CTIF: variants seen among roughly 807,000 people sequenced by gnomAD.
The protein encoded by CTIF is cap binding complex dependent translation initiation factor, also known as CBP80/20-dependent translation initiation factor.
A neutral mutation model predicts 66.0 loss-of-function variants in CTIF; 21 were observed. That is an observed-to-expected ratio of 0.32 (90% CI 0.23 to 0.46). The LOEUF is 0.46. Ranked by LOEUF, CTIF falls within the 20% of genes least tolerant of loss-of-function variation. The pLI, the probability that CTIF is intolerant of heterozygous loss-of-function variation, is 1.00. For synonymous variants in CTIF, 345 were observed against 326.4 expected (o/e 1.06, Z -0.62); for missense variants, 739 against 812.7 (o/e 0.91, Z 1.10).
intron 9 of CTIF, among the ~76,000 whole-genome samples, chr18:48,783,468 A>G (rs545771166): frequency 7.6e-4 from 115 of 152,240 alleles, no homozygotes; most frequent in African/African-American, 2.7e-3. Context: ...AGTCCAATAA[A>G]TCTTGGAGCT....
intron 3 of CTIF, among the ~76,000 whole-genome samples, chr18:48,646,345 G>A (rs1035376923): frequency 1.3e-5 from 2 of 152,008 alleles, no homozygotes; most frequent in South Asian, 2.1e-4. Context: ...TAGCCATGAC[G>A]GAGACGCAAA....
intron 10 of CTIF, among the ~76,000 whole-genome samples, chr18:48,841,685 G>A (rs199632381): frequency 1.2e-5 from 1 of 80,688 alleles, no homozygotes; most frequent in African/African-American, 5.4e-5. Context: ...GCAGGCAGGC[G>A]GGCAGGCGGG....
intron 2 of CTIF, among the ~76,000 whole-genome samples, chr18:48,629,029 G>A (rs2090652991): frequency 6.6e-6 from 1 of 152,222 alleles, no homozygotes; most frequent in Non-Finnish European, 1.5e-5. Flanking sequence ...AGGCTAGCAG[G>A]ATTCTGACTG....
intron 1 of CTIF, among the ~76,000 whole-genome samples, chr18:48,602,843 ATGGATGAATGGATGG>A (rs2090117029): frequency 2.1e-5 from 3 of 145,674 alleles, no homozygotes; most frequent in African/African-American, 8.1e-5. Context: ...GGATGGATGG[ATGGATGAATGGATGG>A]ATGGATGGAT....
intron 9 of CTIF, among the ~76,000 whole-genome samples, chr18:48,785,560 C>T (rs1724200301): frequency 6.6e-6 from 1 of 151,858 alleles, no homozygotes; most frequent in African/African-American, 2.4e-5. Context: ...GACCCAGCCA[C>T]AAGACCATCA....
chr18:48,618,990 A>G (rs1047442929), intron 1 of CTIF, among the ~76,000 whole-genome samples: 2 of 152,242 alleles, frequency 1.3e-5, no homozygotes, highest in African/African-American at 2.4e-5. Context: ...AATCCTGCTT[A>G]TAAGTTACGG....
chr18:48,592,127 T>G (rs2089898497), intron 1 of CTIF, among the ~76,000 whole-genome samples: 1 of 152,094 alleles, frequency 6.6e-6, no homozygotes, highest in Admixed American at 6.5e-5. Context: ...CTTGACCCAA[T>G]TAACCTAGAT....
At chr18:48,798,742 G>A (rs1160231762) in intron 9 of CTIF, among the ~76,000 whole-genome samples, 1 of 152,172 alleles carries the variant, frequency 6.6e-6, no homozygotes, top group African/African-American at 2.4e-5. Context: ...GGAGCATTGG[G>A]CACCATTGTC....
chr18:48,638,516 G>T (rs188497), intron 3 of CTIF, among the ~76,000 whole-genome samples: 1 of 151,508 alleles, frequency 6.6e-6, no homozygotes, highest in African/African-American at 2.4e-5. Flanking sequence ...CTCACCTCCC[G>T]CACCCAGCTG....
At chr18:48,762,843 C>T (rs1054701044) in intron 9 of CTIF, among the ~76,000 whole-genome samples, 2 of 152,198 alleles carry the variant, frequency 1.3e-5, no homozygotes, top group Admixed American at 6.5e-5. Context: ...AGGAAGTTGC[C>T]GCTAAGGCCA....
intron 2 of CTIF, among the ~76,000 whole-genome samples, chr18:48,624,134 A>G (rs1598756126): frequency 1.2e-5 from 1 of 83,654 alleles, no homozygotes; most frequent in South Asian, 4.3e-4. Context: ...GCTTGACACC[A>G]CGCCCCTCCC....
chr18:48,561,354 G>A (rs994522673), intron 1 of CTIF, among the ~76,000 whole-genome samples: 5 of 152,116 alleles, frequency 3.3e-5, no homozygotes, highest in Admixed American at 6.5e-5. Context: ...TTTAAAAGTG[G>A]CTAATAATTT....
chr18:48,657,700 G>A (rs1234945926), intron 3 of CTIF, among the ~76,000 whole-genome samples: 1 of 152,158 alleles, frequency 6.6e-6, no homozygotes, highest in Non-Finnish European at 1.5e-5. Flanking sequence ...GAGAGGAAGA[G>A]TCCTCAACTA....
At chr18:48,569,033 CAT>C (rs1378773920) in intron 1 of CTIF, among the ~76,000 whole-genome samples, 3 of 152,168 alleles carry the variant, frequency 2.0e-5, no homozygotes, top group East Asian at 1.9e-4. Context: ...GCAGTGCCCT[CAT>C]GTGATTTTTC....
intron 1 of CTIF, among the ~76,000 whole-genome samples, chr18:48,549,048 G>A (rs1298650256): frequency 2.0e-5 from 3 of 152,194 alleles, no homozygotes; most frequent in African/African-American, 7.2e-5. Flanking sequence ...GTTGTCCTGG[G>A]TAGGTGAGGG....
Position 48,860,468 on chromosome 18 carries a change from G to A in CTIF, c.*909G>A, listed in dbSNP as rs1403480303. ...TCTGCCCCGGCGGGGGGTCCCCGCT[G>A]GAATCCTGTGTTCCTCGCCACTGGC... is the stretch of plus-strand genomic sequence containing the variant. On this transcript the variant is annotated 3_prime_UTR_variant, in exon 12 of 12. Transcript: ENST00000256413. 6.4e-6 allele frequency: 1 copy of A among 157,030 alleles called. No individual in the cohort carries two copies. The highest frequency in any genetic ancestry group is 1.4e-5 in the Non-Finnish European group (1 of 70,960). 9.7% of individuals were successfully genotyped at this position (157,030 alleles called of 1,614,324 possible). A position where few individuals can be genotyped will look rare whatever the true frequency, so the allele number is the denominator to read the frequency against.
At position 48,761,323 on chromosome 18, in the gene CTIF, C is replaced by T; in HGVS notation, c.1072-67C>T. On this transcript the variant is annotated intron_variant, in intron 8 of 11. Transcript: ENST00000256413. This position sits in a 1 kb window ranked among gnomAD's most constrained non-coding sequence, Gnocchi z 4.2. ...TCTGGGGGTGGCCACCCTCTTTCCA[C>T]CAGGCCACCCCTGCACAGAGACCTC... 3 of 1,507,698 alleles carry T rather than the reference C, an allele frequency of 2.0e-6. No homozygotes were observed. The highest frequency in any genetic ancestry group is 4.6e-5 in the East Asian group (2 of 43,936). 93.4% of individuals were successfully genotyped at this position (1,507,698 alleles called of 1,614,324 possible).
intron 1 of CTIF, among the ~76,000 whole-genome samples, chr18:48,605,859 T>C (rs1279895226): frequency 6.6e-6 from 1 of 152,198 alleles, no homozygotes; most frequent in Non-Finnish European, 1.5e-5. Context: ...AAGGTCCCTG[T>C]TCTCAAGCAC....
intron 6 of CTIF, among the ~76,000 whole-genome samples, chr18:48,707,584 C>T (rs2092173649): frequency 6.6e-6 from 1 of 151,998 alleles, no homozygotes; most frequent in Non-Finnish European, 1.5e-5. Context: ...CCCTTCTCCT[C>T]CTCTTCCTTC....
Sources: gnomAD v4.1 joint callset for allele counts (sites outside exome capture counted in the v4.1 genomes callset) on GRCh38, gnomAD v4.1.1 for gene constraint, Gnocchi (gnomAD v3.1) non-coding constraint, MANE v1.5 for transcripts, NCBI Gene and HGNC (gene_info 2026-07-23, HGNC 2026-07-21) for gene names.